Variants in SOX5 observed in about 807,000 individuals in gnomAD.
SOX5 encodes the protein transcription factor SOX-5.
In SOX5, 9 loss-of-function variants were observed where a neutral mutation model predicts 92.0. The observed-to-expected ratio is 0.10, with a 90% CI of 0.06 to 0.17. The LOEUF (loss-of-function observed/expected upper bound fraction) is 0.17, where lower values mean the gene tolerates loss of function less well. SOX5 is among the 10% of genes least tolerant of loss of function. The pLI is 1.00. For synonymous variants in SOX5, 344 were observed against 336.3 expected (o/e 1.02, Z -0.25); for missense variants, 642 against 944.5 (o/e 0.68, Z 4.20).
intron 3 of SOX5, among the ~76,000 whole-genome samples, chr12:23,828,854 C>T (rs9804956): frequency 0.37 from 55,687 of 151,926 alleles, 10,726 homozygotes; most frequent in East Asian, 0.61. Flanking sequence ...CACAATCTGG[C>T]ATTCAAAGAT....
intron 3 of SOX5, among the ~76,000 whole-genome samples, chr12:24,243,921 T>A (rs868270709): frequency 2.6e-4 from 40 of 152,234 alleles, no homozygotes; most frequent in Middle Eastern, 3.4e-3. Context: ...CATGATCTAA[T>A]GTAACCTTAC....
Position 23,895,876 on chromosome 12 carries a change from G to C in SOX5, c.187C>G (p.His63Asp), listed in dbSNP as rs1568730980. Residue 63 changes from histidine (H) to aspartate (D), a missense_variant, in exon 2 of 15, where the codon CAC (histidine) becomes GAC (aspartate). Coordinates refer to ENST00000451604, the MANE Select transcript of SOX5 (RefSeq NM_006940.6). The stretch of plus-strand genomic sequence containing the variant: ...GAAACTGGCTGAAATTCCTCAGAGT[G>C]AGGCTTGTTGGGAAAACTCACATGC... ...PLHVSFPNKP[H>D]SEEFQPVSLL... 1.2e-6 allele frequency: 2 copies of C among 1,613,992 alleles called. No individual in the cohort carries two copies. Among genetic ancestry groups the C allele is most frequent in the African/African-American group, 1.3e-5 (1 of 74,894 alleles).
chr12:23,610,362 T>C (rs1445421315), intron 8 of SOX5, among the ~76,000 whole-genome samples: 1 of 152,126 alleles, frequency 6.6e-6, no homozygotes, highest in Non-Finnish European at 1.5e-5. Context: ...CCATCTGGAG[T>C]ATTTGGATTC....
At chr12:23,901,500 C>G (rs914132818) in intron 1 of SOX5, among the ~76,000 whole-genome samples, 1 of 152,160 alleles carries the variant, frequency 6.6e-6, no homozygotes, top group African/African-American at 2.4e-5. Context: ...AATCCTCCTA[C>G]CCTAGACATA....
At chr12:24,170,910 A>ATAAT (rs749662706) in intron 4 of SOX5, among the ~76,000 whole-genome samples, 8 of 152,288 alleles carry the variant, frequency 5.3e-5, no homozygotes, top group Middle Eastern at 3.4e-3. Flanking sequence ...GAATTGGGCA[A>ATAAT]TAATTGCCCC....
At chr12:24,154,362 A>G (rs947483800) in intron 4 of SOX5, among the ~76,000 whole-genome samples, 2 of 152,154 alleles carry the variant, frequency 1.3e-5, no homozygotes, top group African/African-American at 4.8e-5. Flanking sequence ...TTTTATTCCC[A>G]ATAGAAGGTT....
Position 23,533,098 on chromosome 12 carries a change from A to G in SOX5, c.*1121T>C. On this transcript the variant is annotated 3_prime_UTR_variant, in exon 15 of 15. Coordinates refer to ENST00000451604, the MANE Select transcript of SOX5 (RefSeq NM_006940.6). ...TAAAAATATAATTTCTGAGCCCTATACTTGGTTAAGTTGTCATTTGAAGTG... is the reference window on the plus strand; with the variant it reads ...TAAAAATATAATTTCTGAGCCCTATGCTTGGTTAAGTTGTCATTTGAAGTG... 2.2e-6 allele frequency: 1 copy of G among 451,192 alleles called. No individual in the cohort carries two copies. Among genetic ancestry groups the G allele is most frequent in the Non-Finnish European group, 4.5e-6 (1 of 223,556 alleles). The allele number at this position is 451,192 out of a possible 1,614,324, so 27.9% of individuals were successfully genotyped here.
At chr12:23,590,992 T>A (rs1951457242) in intron 9 of SOX5, among the ~76,000 whole-genome samples, 2 of 152,046 alleles carry the variant, frequency 1.3e-5, no homozygotes, top group Admixed American at 6.6e-5. Flanking sequence ...TCTAAGTGGA[T>A]CTTGTTTTTT....
At chr12:24,424,340 G>A (rs552100868) in intron 1 of SOX5, among the ~76,000 whole-genome samples, 2 of 152,006 alleles carry the variant, frequency 1.3e-5, no homozygotes, top group Non-Finnish European at 2.9e-5. Flanking sequence ...CAAAACAGTC[G>A]ATATTTTATT....
chr12:24,121,215 T>C lies in SOX5; in HGVS notation c.-2+92128A>G, dbSNP rs563075803. Among the ~76,000 whole-genome samples, 4 of 152,336 alleles carry C rather than the reference T, an allele frequency of 2.6e-5. No individual in the cohort carries two copies. In the East Asian group the frequency reaches 7.7e-4, roughly 29 times the overall value. On this transcript the variant is annotated intron_variant, in intron 4 of 4. Coordinates refer to the SOX5 transcript ENST00000446891. ...CTCCAGGTTACAGAAATATTTACGA[T>C]GACTACTGATAATAAATACAGATCC...
chr12:24,429,266 A>G (rs1355080836), intron 1 of SOX5, among the ~76,000 whole-genome samples: 2 of 151,992 alleles, frequency 1.3e-5, no homozygotes, highest in Non-Finnish European at 2.9e-5. Context: ...GCAGTGAGCC[A>G]AGACTGCCCC....
At chr12:24,469,850 G>A (rs1228992898) in intron 1 of SOX5, among the ~76,000 whole-genome samples, 1 of 152,138 alleles carries the variant, frequency 6.6e-6, no homozygotes, top group Non-Finnish European at 1.5e-5. Context: ...AAATGAGCTT[G>A]TTTGATAATT....
chr12:24,248,771 G>GCT (rs1010664399), intron 3 of SOX5, among the ~76,000 whole-genome samples: 12 of 151,554 alleles, frequency 7.9e-5, no homozygotes, highest in Non-Finnish European at 1.2e-4. Context: ...TTTCTTTGTT[G>GCT]CTCTCTCTCT....
intron 6 of SOX5, among the ~76,000 whole-genome samples, chr12:23,695,038 A>G (rs1165247313): frequency 6.6e-6 from 1 of 151,796 alleles, no homozygotes; most frequent in East Asian, 1.9e-4. Context: ...GAGAATCACC[A>G]GAGCCTGGGA....
At chr12:23,680,401 G>T (rs181146889) in intron 6 of SOX5, among the ~76,000 whole-genome samples, 50 of 148,654 alleles carry the variant, frequency 3.4e-4, no homozygotes, top group African/African-American at 1.1e-3. Context: ...CAAGTTAGAC[G>T]TGATGAGAAA....
rs570152153 is a variant in SOX5 at position 24,052,828 on chromosome 12, T to C, written c.-1-156804A>G. Among the ~76,000 whole-genome samples the C allele has an allele frequency of 7.2e-5, 11 of 152,352 alleles. No individual in the cohort carries two copies. The South Asian group carries it at 2.3e-3, about 32-fold the overall frequency. ...AATGATTTTAACCCTGAAATCCCAT[T>C]CTTTCACTAATTTGTAACCAATAAT... is the stretch of plus-strand genomic sequence containing the variant. On this transcript the variant is annotated intron_variant, in intron 4 of 4. Transcript: ENST00000446891.
At chr12:23,942,281 G>A (rs1009824978) in intron 1 of SOX5, among the ~76,000 whole-genome samples, 11 of 151,686 alleles carry the variant, frequency 7.3e-5, no homozygotes, top group South Asian at 2.1e-4. Context: ...AAAATGGTAC[G>A]TGAAAGATCT....
chr12:23,849,524 T>C (rs1375531388), intron 2 of SOX5, among the ~76,000 whole-genome samples: 1 of 152,160 alleles, frequency 6.6e-6, no homozygotes, highest in African/African-American at 2.4e-5. Context: ...CCCCAACCTA[T>C]TGGGCTCCAG....
chr12:23,648,243 A>C (rs1200930959), intron 7 of SOX5, among the ~76,000 whole-genome samples: 1 of 152,236 alleles, frequency 6.6e-6, no homozygotes, highest in African/African-American at 2.4e-5. Context: ...TGGTGCTGAC[A>C]GACTTGCTCT....
Sources: gnomAD v4.1 joint callset for allele counts (sites outside exome capture counted in the v4.1 genomes callset) on GRCh38, gnomAD v4.1.1 for gene constraint, MANE v1.5 for transcripts, NCBI Gene and HGNC (gene_info 2026-07-23, HGNC 2026-07-21) for gene names.